Variants in USP35 observed in about 807,000 individuals in gnomAD.
The protein encoded by USP35 is ubiquitin carboxyl-terminal hydrolase 35.
Under a neutral mutation model 83.8 loss-of-function variants are expected in USP35, and 69 were observed. The observed-to-expected ratio is 0.82, with a 90% CI of 0.68 to 1.01. The LOEUF is 1.01. Ranked by LOEUF, USP35 falls within the 50% of genes least tolerant of loss-of-function variation. The pLI is 0.00. For synonymous variants in USP35, 714 were observed against 589.5 expected (o/e 1.21, Z -3.06); for missense variants, 1,503 against 1,362.5 (o/e 1.10, Z -1.62).
the USP35 span, among the ~76,000 whole-genome samples, chr11:78,229,835 C>A: frequency 6.6e-6 from 1 of 152,336 alleles, no homozygotes; most frequent in South Asian, 2.1e-4. Context: ...TGGGCTGTGT[C>A]TGGAAGGCTT....
At position 78,213,610 on chromosome 11, in the gene USP35, T is replaced by TTCTAAG. The variant is rs55765495; in HGVS notation, c.2890-26_2890-21dup. The TTCTAAG allele has an allele frequency of 5.2e-4, 753 of 1,449,034 alleles. 2 individuals carry two copies. The East Asian group carries it at 7.8e-3, about 15-fold the overall frequency. The allele number at this position is 1,449,034 out of a possible 1,614,324, so 89.8% of individuals were successfully genotyped here. ...ACTCACTCTGGCTTCAGGGTGTGAA[T>TTCTAAG]TCTAAGTCTAAGTCTCCTCTCATCT... On this transcript the variant is annotated intron_variant, in intron 10 of 10. Transcript: ENST00000529308.
Position 78,198,789 on chromosome 11 carries a change from C to G in USP35, c.806+721C>G, listed in dbSNP as rs1053958805. The G allele has an allele frequency of 5.1e-6, 4 of 785,822 alleles. No homozygotes were observed. The African/African-American group carries it at 7.5e-5, about 15-fold the overall frequency. 48.7% of individuals were successfully genotyped at this position (785,822 alleles called of 1,614,324 possible). On this transcript the variant is annotated intron_variant, in intron 3 of 10. Coordinates refer to ENST00000529308, the MANE Select transcript of USP35 (RefSeq NM_020798.4). ...TGCGACCTTGGACAAGTTACTCAAC[C>G]TCTCTGTTTGAGTTTCCTCAACTGT...
chr11:78,225,337 AT>A, the USP35 span: 1 of 609,668 alleles, frequency 1.6e-6, no homozygotes, highest in East Asian at 2.8e-5. Context: ...ATGATAAGGA[AT>A]TTCTTCGAAC....
chr11:78,208,785 C>T (rs1863615480), intron 8 of USP35, 72 bp from the exon 9 acceptor site: 1 of 1,535,346 alleles, frequency 6.5e-7, no homozygotes, highest in Admixed American at 1.7e-5. Context: ...GACCCTCAGG[C>T]CTAACCTGTG....
rs533388909 is a variant in USP35 at position 78,200,769 on chromosome 11, C to T, written c.1158C>T (p.Gly386=). ...ACTGCATGGTGTTCCGGTTCCCGGG[C>T]TTCCCGGATCTGTATGAGCCTGTCA... The part of the protein sequence containing the change: ...LVHCMVFRFP[G]FPDLYEPVME... Residue 386 remains glycine (G), a synonymous_variant, in exon 6 of 11, where the codon GGC becomes GGT. Coordinates refer to ENST00000529308, the MANE Select transcript of USP35 (RefSeq NM_020798.4). 2 of 1,613,962 alleles carry T rather than the reference C, an allele frequency of 1.2e-6. No individual in the cohort carries two copies. Among genetic ancestry groups the T allele is most frequent in the East Asian group, 2.2e-5 (1 of 44,876 alleles).
In USP35 at chr11:78,207,579, A is replaced by C; in HGVS notation, c.1441A>C (p.Met481Leu). 1 of 1,614,180 alleles carries C rather than the reference A, an allele frequency of 6.2e-7. No individual in the cohort carries two copies. Among genetic ancestry groups the C allele is most frequent in the Non-Finnish European group, 8.5e-7 (1 of 1,180,020 alleles). Residue 481 changes from methionine to leucine, a missense_variant, in exon 8 of 11, where the codon ATG (methionine) becomes CTG (leucine). Physicochemically the swap from Met to Leu is conservative, Grantham distance 15 (BLOSUM62 2). Transcript: ENST00000529308. The stretch of plus-strand genomic sequence containing the variant: ...GACTGAGAACAACTCACAGCCCCTG[A>C]TGACCAAGCTGCAGTGGCTCTTTGG... ...RLTENNSQPL[M>L]TKLQWLFGFL...
chr11:78,205,754 A>G, intron 6 of USP35, 88 bp from the exon 7 acceptor site: 1 of 1,458,972 alleles, frequency 6.9e-7, no homozygotes, highest in Middle Eastern at 2.5e-4. Context: ...GGTTGGCTGT[A>G]TCTGAGAAGG....
intron 1 of USP35, among the ~76,000 whole-genome samples, chr11:78,193,141 C>T (rs963038749): frequency 1.9e-4 from 29 of 152,210 alleles, no homozygotes; most frequent in African/African-American, 3.9e-4. Context: ...TGCCTTGTCA[C>T]GGGCACTGCC....
chr11:78,222,166 T>G, the USP35 span: 7 of 1,614,080 alleles, frequency 4.3e-6, no homozygotes, highest in Non-Finnish European at 5.9e-6. Flanking sequence ...ATGACGGTGT[T>G]GTTCCTCAGG....
chr11:78,210,169 G>A lies in USP35; in HGVS notation c.2314G>A (p.Glu772Lys), dbSNP rs374218333. The A allele has an allele frequency of 1.6e-5, 26 of 1,613,794 alleles. No homozygotes were observed. Among genetic ancestry groups the A allele is most frequent in the South Asian group, 2.2e-5 (2 of 91,074 alleles). ...CCTGGTTAACTACTTCCTGTCCCCC[G>A]AGAAGCTGACAGCAGAAAACCGCTA... ...LDLVNYFLSP[E>K]KLTAENRYYC... is the part of the protein sequence containing the mutation. Residue 772 changes from glutamate to lysine, a missense_variant, in exon 10 of 11, where the codon GAG (glutamate) becomes AAG (lysine). Glu to Lys is a moderately conservative substitution (Grantham distance 56, BLOSUM62 1). Transcript: ENST00000529308.
intron 1 of USP35, among the ~76,000 whole-genome samples, 193 bp downstream of exon 1, chr11:78,189,350 A>C (rs780619243): frequency 3.3e-5 from 5 of 152,104 alleles, no homozygotes; most frequent in Non-Finnish European, 7.4e-5. Context: ...CCCTTCATCA[A>C]TTGTATGTCG....
the USP35 span, among the ~76,000 whole-genome samples, chr11:78,228,997 G>C: frequency 6.6e-6 from 1 of 152,164 alleles, no homozygotes. Flanking sequence ...ATCTGGGCCA[G>C]GCAAAAGGGA....
intron 6 of USP35, 145 bp downstream of exon 6, chr11:78,200,953 G>T (rs1863337139): frequency 2.4e-6 from 3 of 1,244,044 alleles, no homozygotes; most frequent in Non-Finnish European, 3.2e-6. Flanking sequence ...GGTCCATCAT[G>T]TGCCTCAAGC....
At position 78,210,283 on chromosome 11, in the gene USP35, C is replaced by T. The variant is rs377111780; in HGVS notation, c.2428C>T (p.Arg810Cys). 11 of 1,613,968 alleles carry T rather than the reference C, an allele frequency of 6.8e-6. No individual in the cohort carries two copies. The highest frequency in any genetic ancestry group is 1.3e-5 in the African/African-American group (1 of 74,950). The change falls in exon 10 of 11, where the codon CGC (arginine) becomes TGC (cysteine). Residue 810 changes from arginine (R) to cysteine (C), a missense_variant. Coordinates refer to ENST00000529308, the MANE Select transcript of USP35 (RefSeq NM_020798.4). The part of the protein sequence containing the change: ...GPCYLILTLL[R>C]FSFDLRTMRR... ...GTGCTACCTCATCCTCACACTGCTG[C>T]GCTTCTCTTTCGACCTGCGCACCAT...
chr11:78,206,083 G>A lies in USP35; in HGVS notation c.1391+48G>A, dbSNP rs770539441. ...CTGTCTGCCCTTGCTTCTCTCCTCTGGGCTCCCTGATGACAGGTGGAAAGG... is the reference window on the plus strand; with the variant it reads ...CTGTCTGCCCTTGCTTCTCTCCTCTAGGCTCCCTGATGACAGGTGGAAAGG... On this transcript the variant is annotated intron_variant, in intron 7 of 10. Coordinates refer to ENST00000529308, the MANE Select transcript of USP35 (RefSeq NM_020798.4). 1.1e-5 allele frequency: 17 copies of A among 1,582,206 alleles called. No homozygotes were observed. In the African/African-American group the frequency reaches 2.3e-4, roughly 21 times the overall value.
intron 6 of USP35, among the ~76,000 whole-genome samples, chr11:78,203,047 GTGAGATGCA>G (rs1863405688): frequency 6.6e-6 from 1 of 152,164 alleles, no homozygotes. Context: ...CCCATGATGA[GTGAGATGCA>G]GGCTTTGCAC....
Position 78,189,098 on chromosome 11 carries a change from G to C in USP35, c.-70G>C, listed in dbSNP as rs1466146257. 11 of 437,630 alleles carry C rather than the reference G, an allele frequency of 2.5e-5. No homozygotes were observed. Among genetic ancestry groups the C allele is most frequent in the Non-Finnish European group, 3.3e-5 (11 of 329,470 alleles). 27.1% of individuals were successfully genotyped at this position (437,630 alleles called of 1,614,324 possible). On this transcript the variant is annotated 5_prime_UTR_variant, in exon 1 of 11. Coordinates refer to ENST00000529308, the MANE Select transcript of USP35 (RefSeq NM_020798.4). ...CCCTGACCTAGCCGGGCCCAGCCTC[G>C]TCCTGCCCGGCCTGAGCGCCCCGCC...
At chr11:78,208,767 A>T in intron 8 of USP35, 90 bp from the exon 9 acceptor site, 1 of 1,383,498 alleles carries the variant, frequency 7.2e-7, no homozygotes, top group Non-Finnish European at 1.0e-6. Context: ...GGCCGAGGGA[A>T]TGAGGTAGAC....
rs1863676905 is a variant in USP35 at position 78,209,845 on chromosome 11, TC to T, written c.1992del (p.Lys665ArgfsTer13). On this transcript the variant is annotated frameshift_variant, in exon 10 of 11. Coordinates refer to ENST00000529308, the MANE Select transcript of USP35 (RefSeq NM_020798.4). LOFTEE classifies it high-confidence loss of function. ...CAGCCTGTACATCGAAGGCCTGGAC[TC>T]CAAGGAAGCTGGTGGGCAGAGCAGT... Reference protein sequence around the residue: ...PTSLYIEGLDSKEAGGQSSQE... With the variant: ...PTSLYIEGLDXKEAGGQSSQE... The T allele has an allele frequency of 6.2e-7, 1 of 1,612,266 alleles. No homozygotes were observed. Among genetic ancestry groups the T allele is most frequent in the Admixed American group, 1.7e-5 (1 of 59,738 alleles).
Sources: allele counts gnomAD v4.1 joint callset (sites outside exome capture counted in the v4.1 genomes callset), GRCh38; gene constraint gnomAD v4.1.1; transcripts MANE v1.5; gene names NCBI Gene and HGNC (gene_info 2026-07-23, HGNC 2026-07-21).